Variants in SBNO1 observed in about 807,000 individuals in gnomAD.
SBNO1 encodes the protein protein strawberry notch homolog 1.
A neutral mutation model predicts 173.6 loss-of-function variants in SBNO1; 23 were observed. That is an observed-to-expected ratio of 0.13 (90% CI 0.10 to 0.19). The LOEUF (loss-of-function observed/expected upper bound fraction) is 0.19, where lower values mean the gene tolerates loss of function less well. Among genes scored for constraint, SBNO1 ranks in the 10% least tolerant of loss-of-function variants. The probability of loss-of-function intolerance (pLI) is 1.00; values close to 1 mark genes in which losing one functional copy is unlikely to be tolerated. For missense variants in SBNO1, 1,238 were observed against 1,671.2 expected, an observed-to-expected ratio of 0.74 and a Z score of 4.52; for synonymous variants, 632 against 571.5, an observed-to-expected ratio of 1.11 and a Z score of -1.51.
At chr12:123,312,712 A>G (rs1011540004) in intron 24 of SBNO1, among the ~76,000 whole-genome samples, 8 of 128,266 alleles carry the variant, frequency 6.2e-5, no homozygotes, top group African/African-American at 1.7e-4. Flanking sequence ...CCCCGTCTCG[A>G]AAAAAAAAAA....
chr12:123,336,409 T>C lies in SBNO1; in HGVS notation c.734A>G (p.Tyr245Cys), dbSNP rs1161912196. The change falls in exon 6 of 32, where the codon TAC (tyrosine) becomes TGC (cysteine). Residue 245 changes from tyrosine (Y) to cysteine (C), a missense_variant. By Grantham distance (194) the Tyr-to-Cys change is radical (BLOSUM62 -2). Around this residue, in one of 14 missense-constraint regions of SBNO1, gnomAD observed 78 missense variants for 103.3 expected, o/e 0.76. Transcript: ENST00000602398. ...EMGHAETYAE[Y>C]MPIKLKIGLR... ...CGAAGACATACATTTTATTGGCATGTATTCTGCATAGGTTTCTGCATGACC... is the reference window on the plus strand; with the variant it reads ...CGAAGACATACATTTTATTGGCATGCATTCTGCATAGGTTTCTGCATGACC... 1.5e-5 allele frequency: 24 copies of C among 1,593,108 alleles called. No homozygotes were observed. The highest frequency in any genetic ancestry group is 2.0e-5 in the Non-Finnish European group (23 of 1,164,724).
chr12:123,321,842 T>C (rs139384845), intron 16 of SBNO1, 110 bp from the exon 17 acceptor site: 9,981 of 886,806 alleles, frequency 0.011, 85 homozygotes, highest in Non-Finnish European at 0.014. Context: ...AGAGGAAAAG[T>C]ATTTAGGTTA....
rs533210012 is a variant in SBNO1, at chr12:123,330,979, T to A, written c.1043+263A>T. 2.0e-5 allele frequency among the ~76,000 whole-genome samples: 3 copies of A among 152,174 alleles called. No individual in the cohort carries two copies. In the South Asian group the frequency reaches 6.2e-4, roughly 32 times the overall value. On this transcript the variant is annotated intron_variant, in intron 8 of 31. Transcript: ENST00000602398. ...AAGTAATTACTAACAAAACCTTCCA[T>A]TGAGACGGAGTCGCACTCTGTCACC...
chr12:123,361,198 C>G lies in SBNO1; in HGVS notation c.-1+3503G>C, dbSNP rs61955085. ...GGTGGAGGTTGCAGTGAGCAGAGATCACACCACTGCACTCCAGCCTGGGCA... is the reference window on the plus strand; with the variant it reads ...GGTGGAGGTTGCAGTGAGCAGAGATGACACCACTGCACTCCAGCCTGGGCA... On this transcript the variant is annotated intron_variant, in intron 1 of 31. Coordinates refer to ENST00000602398, the MANE Select transcript of SBNO1 (RefSeq NM_001167856.3). 3.3e-5 allele frequency among the ~76,000 whole-genome samples: 5 copies of G among 152,008 alleles called. No individual in the cohort carries two copies. In the East Asian group the frequency reaches 9.7e-4, roughly 30 times the overall value.
intron 5 of SBNO1, among the ~76,000 whole-genome samples, chr12:123,339,823 C>A (rs942569723): frequency 3.3e-5 from 5 of 151,988 alleles, no homozygotes; most frequent in African/African-American, 1.2e-4. Context: ...CAATTCAGGA[C>A]CCTCCATGGA....
In SBNO1 at chr12:123,334,190, C is replaced by G. The variant is rs769048264; in HGVS notation, c.772G>C (p.Asp258His). The G allele has an allele frequency of 3.1e-6, 5 of 1,590,004 alleles. No individual in the cohort carries two copies. The highest frequency in any genetic ancestry group is 4.6e-5 in the East Asian group (2 of 43,758). The stretch of plus-strand genomic sequence containing the variant: ...AAAGAGCTGGTTTCCACTACAGCAT[C>G]TGGATGACGTAGGCCAATTTTTACT... ...IKLKIGLRHP[D>H]AVVETSSLSS... The change falls in exon 7 of 32, where the codon GAT (aspartate) becomes CAT (histidine). Residue 258 changes from aspartate (D) to histidine (H), a missense_variant. By Grantham distance (81) the Asp-to-His change is moderately conservative. This residue lies in a region of SBNO1 where 78 missense variants were observed against 103.3 expected (regional missense o/e 0.76). Transcript: ENST00000602398.
Position 123,289,203 on chromosome 12 carries a change from C to T in SBNO1, c.*6705G>A, listed in dbSNP as rs761935038. The T allele has an allele frequency of 2.0e-5, 3 of 152,146 alleles. No homozygotes were observed. Among genetic ancestry groups the T allele is most frequent in the Non-Finnish European group, 4.4e-5 (3 of 68,036 alleles). The allele number at this position is 152,146 out of a possible 1,614,324, so 9.4% of individuals were successfully genotyped here. The stretch of plus-strand genomic sequence containing the variant: ...AAAAAACTAAATACAGAATTTGTTA[C>T]GCTTCACGGTTGATCGTTTTTACTT... On this transcript the variant is annotated 3_prime_UTR_variant, in exon 32 of 32. Coordinates refer to ENST00000602398, the MANE Select transcript of SBNO1 (RefSeq NM_001167856.3).
chr12:123,331,671 G>C (rs1056912518), intron 7 of SBNO1, among the ~76,000 whole-genome samples: 5 of 151,742 alleles, frequency 3.3e-5, no homozygotes, highest in Non-Finnish European at 5.9e-5. Context: ...ACAGGCGCCC[G>C]CCACCACGCC....
At chr12:123,309,605 T>A (rs762244969) in intron 26 of SBNO1, 22 bp from the exon 27 acceptor site, 2 of 1,606,908 alleles carry the variant, frequency 1.2e-6, no homozygotes, top group Non-Finnish European at 1.7e-6. Flanking sequence ...AAAAGAAACA[T>A]GTAAATGTAA....
intron 1 of SBNO1, among the ~76,000 whole-genome samples, chr12:123,353,395 C>A (rs1229101289): frequency 6.6e-6 from 1 of 151,960 alleles, no homozygotes; most frequent in Non-Finnish European, 1.5e-5. Flanking sequence ...AGTTTTCTTT[C>A]CAATGAGTAG....
intron 3 of SBNO1, 107 bp from the exon 4 acceptor site, chr12:123,345,677 T>C: frequency 1.0e-6 from 1 of 976,276 alleles, no homozygotes; most frequent in African/African-American, 1.7e-5. Context: ...GCACTTTTAT[T>C]ATTGCTTTTT....
intron 16 of SBNO1, among the ~76,000 whole-genome samples, chr12:123,322,860 A>G (rs867141069): frequency 3.2e-4 from 48 of 151,350 alleles, no homozygotes; most frequent in African/African-American, 1.1e-3. Flanking sequence ...AGCCTGGGTG[A>G]CGGAGACGGA....
intron 10 of SBNO1, 42 bp downstream of exon 10, chr12:123,328,689 TTTC>T: frequency 7.2e-7 from 1 of 1,394,908 alleles, no homozygotes; most frequent in Non-Finnish European, 9.5e-7. Flanking sequence ...CTTTTATAAT[TTTC>T]TTGTCGTTAA....
chr12:123,300,106 T>C (rs997967203), intron 30 of SBNO1, among the ~76,000 whole-genome samples: 5 of 152,226 alleles, frequency 3.3e-5, no homozygotes, highest in Non-Finnish European at 5.9e-5. Context: ...ATCTTCAGAA[T>C]ATTCATCAAT....
At chr12:123,316,587 A>C (rs934204010) in intron 21 of SBNO1, among the ~76,000 whole-genome samples, 2 of 149,316 alleles carry the variant, frequency 1.3e-5, no homozygotes, top group Non-Finnish European at 1.5e-5. Context: ...TGGTGAAATC[A>C]TATCTCACTG....
chr12:123,331,274 T>G lies in SBNO1; in HGVS notation c.1011A>C (p.Glu337Asp). 6.2e-7 allele frequency: 1 copy of G among 1,614,108 alleles called. No homozygotes were observed. The change falls in exon 8 of 32, where the codon GAA becomes GAC. Residue 337 changes from glutamate (E) to aspartate (D), a missense_variant. Around this residue, in one of 14 missense-constraint regions of SBNO1, gnomAD observed 56 missense variants for 65.1 expected, o/e 0.86. Transcript: ENST00000602398. ...KGRTIAGIIY[E>D]NYLLSRKRAL... ...CTCGTTTTCTACTCAACAAATAATT[T>G]TCATAGATGATTCCTGCTATCGTCC...
intron 30 of SBNO1, among the ~76,000 whole-genome samples, chr12:123,301,577 A>G (rs1269211040): frequency 3.3e-5 from 5 of 152,208 alleles, no homozygotes; most frequent in South Asian, 2.1e-4. Flanking sequence ...TTTGCAGAGT[A>G]TAAGAGTATA....
chr12:123,364,823 T>C lies in SBNO1; in HGVS notation c.-123A>G, dbSNP rs2139131434. On this transcript the variant is annotated 5_prime_UTR_variant, in exon 1 of 32. Transcript: ENST00000602398. ...GCAGCGGCGTCCTGCTCTGCCTACC[T>C]CCCCGCCGCCATCTTGACGCCCCTC... 1.0e-6 allele frequency: 1 copy of C among 967,032 alleles called. No homozygotes were observed. Among genetic ancestry groups the C allele is most frequent in the Non-Finnish European group, 1.2e-6 (1 of 813,956 alleles). 59.9% of individuals were successfully genotyped at this position (967,032 alleles called of 1,614,324 possible).
At chr12:123,358,828 C>G (rs190752450) in intron 1 of SBNO1, among the ~76,000 whole-genome samples, 1 of 151,484 alleles carries the variant, frequency 6.6e-6, no homozygotes, top group African/African-American at 2.4e-5. Context: ...TTCAGAAGGT[C>G]TGACACCACA....
Sources: gnomAD v4.1 joint callset for allele counts (sites outside exome capture counted in the v4.1 genomes callset) on GRCh38, gnomAD v4.1.1 for gene constraint, gnomAD v4.1.1 regional missense constraint, MANE v1.5 for transcripts, NCBI Gene and HGNC (gene_info 2026-07-23, HGNC 2026-07-21) for gene names.